IL17RD: variants seen among roughly 807,000 people sequenced by gnomAD.
The protein encoded by IL17RD is interleukin-17 receptor D.
Under a neutral mutation model 80.5 loss-of-function variants are expected in IL17RD, and 52 were observed. The ratio of observed to expected loss-of-function variants is 0.65; its 90% CI spans 0.52 to 0.81. The LOEUF is 0.81. Ranked by LOEUF, IL17RD falls within the 40% of genes least tolerant of loss-of-function variation. The pLI is 0.00. For missense variants in IL17RD, 1,024 were observed against 955.1 expected, an observed-to-expected ratio of 1.07 and a Z score of -0.95; for synonymous variants, 416 against 391.8, an observed-to-expected ratio of 1.06 and a Z score of -0.73.
chr3:57,134,796 T>C, intron 1 of IL17RD: 1 of 410,550 alleles, frequency 2.4e-6, no homozygotes, highest in Non-Finnish European at 4.6e-6. Context: ...AACAAGCCTT[T>C]ACCTGCCATA....
chr3:57,141,383 C>T (rs906302425), intron 1 of IL17RD, among the ~76,000 whole-genome samples: 1 of 152,168 alleles, frequency 6.6e-6, no homozygotes, highest in African/African-American at 2.4e-5. Flanking sequence ...AAAAGCTTGA[C>T]ACTGAGGACT....
At chr3:57,163,803 A>AGTGGG (rs2060324911) in intron 1 of IL17RD, among the ~76,000 whole-genome samples, 1 of 5,526 alleles carries the variant, frequency 1.8e-4, no homozygotes, top group Non-Finnish European at 4.6e-4. Flanking sequence ...CGGGGGGGGA[A>AGTGGG]GGGGGTGGCG....
In IL17RD at chr3:57,147,241, G is replaced by C. The variant is rs570981362; in HGVS notation, c.126+17920C>G. Among the ~76,000 whole-genome samples the C allele has an allele frequency of 1.4e-4, 21 of 152,202 alleles. No homozygotes were observed. In the South Asian group the frequency reaches 3.7e-3, roughly 27 times the overall value. On this transcript the variant is annotated intron_variant, in intron 1 of 12. Coordinates refer to ENST00000296318, the MANE Select transcript of IL17RD (RefSeq NM_017563.5). ...TACCATGTGGCCAGGCACAGAGCTGGATGTTTTAAAAACAGTATCTTGCTT... is the reference window on the plus strand; with the variant it reads ...TACCATGTGGCCAGGCACAGAGCTGCATGTTTTAAAAACAGTATCTTGCTT...
intron 1 of IL17RD, among the ~76,000 whole-genome samples, chr3:57,124,701 G>C (rs902104487): frequency 2.6e-5 from 4 of 152,158 alleles, no homozygotes; most frequent in Non-Finnish European, 4.4e-5. Flanking sequence ...GACAATAAAC[G>C]TAAGTCATTT....
At chr3:57,145,263 C>T (rs1002626515) in intron 1 of IL17RD, among the ~76,000 whole-genome samples, 2 of 152,010 alleles carry the variant, frequency 1.3e-5, no homozygotes, top group East Asian at 3.9e-4. Context: ...AGCTCCTGGC[C>T]CAGAAGACTA....
chr3:57,161,249 G>A lies in IL17RD; in HGVS notation c.126+3912C>T, dbSNP rs887610184. ...TGTAACATGGACAACATGGCCATAC[G>A]ATAGGCAGACCAGATGTGGGCTTAG... On this transcript the variant is annotated intron_variant, in intron 1 of 12. Coordinates refer to ENST00000296318, the MANE Select transcript of IL17RD (RefSeq NM_017563.5). 3.3e-5 allele frequency among the ~76,000 whole-genome samples: 5 copies of A among 152,338 alleles called. No individual in the cohort carries two copies. The South Asian group carries it at 1.0e-3, about 32-fold the overall frequency.
In IL17RD at chr3:57,092,648, T is replaced by A. The variant is rs1706584955; in HGVS notation, c.*3745A>T. Reference sequence around the variant, plus strand: ...TTAAATTGAGAGAGCATAAATCTGATTCTGAAATTAACAACTGGCTTGCCT... The same window carrying A: ...TTAAATTGAGAGAGCATAAATCTGAATCTGAAATTAACAACTGGCTTGCCT... On this transcript the variant is annotated 3_prime_UTR_variant, in exon 13 of 13. Transcript: ENST00000296318. The A allele has an allele frequency of 6.6e-6, 1 of 152,180 alleles. No individual in the cohort carries two copies. Among genetic ancestry groups the A allele is most frequent in the Admixed American group, 6.6e-5 (1 of 15,262 alleles). 9.4% of individuals were successfully genotyped at this position (152,180 alleles called of 1,614,324 possible).
chr3:57,120,157 G>A (rs1033574220), intron 2 of IL17RD, 99 bp downstream of exon 2: 23 of 972,314 alleles, frequency 2.4e-5, no homozygotes, highest in Admixed American at 3.9e-5. Flanking sequence ...CAGAAAATTC[G>A]TCAACCCCAA....
At chr3:57,143,764 G>T (rs1254448159) in intron 1 of IL17RD, among the ~76,000 whole-genome samples, 1 of 152,224 alleles carries the variant, frequency 6.6e-6, no homozygotes, top group Non-Finnish European at 1.5e-5. Flanking sequence ...AGTGCAATGT[G>T]CCTAGGGCAG....
rs1453813455 is a variant in IL17RD at position 57,098,202 on chromosome 3, T to C, written c.1501A>G (p.Met501Val). The C allele has an allele frequency of 1.9e-6, 3 of 1,613,934 alleles. No individual in the cohort carries two copies. Among genetic ancestry groups the C allele is most frequent in the Non-Finnish European group, 2.5e-6 (3 of 1,179,854 alleles). Residue 501 changes from methionine to valine, a missense_variant, in exon 12 of 13, where the codon ATG becomes GTG. Transcript: ENST00000296318. ...ILDLSTKYRLMDNLPQLCSHL... is the reference protein window; with the variant it reads ...ILDLSTKYRLVDNLPQLCSHL... ...GAACAGAGCTGAGGAAGATTGTCCATGAGTCTGTACTTGGTACTCAGGTCT... is the reference window on the plus strand; with the variant it reads ...GAACAGAGCTGAGGAAGATTGTCCACGAGTCTGTACTTGGTACTCAGGTCT...
At chr3:57,128,372 C>T (rs1343301356) in intron 1 of IL17RD, among the ~76,000 whole-genome samples, 1 of 152,192 alleles carries the variant, frequency 6.6e-6, no homozygotes, top group African/African-American at 2.4e-5. Flanking sequence ...TGCTAATCAG[C>T]ACACACATGT....
intron 1 of IL17RD, among the ~76,000 whole-genome samples, chr3:57,162,817 GACA>G (rs2060314632): frequency 6.6e-6 from 1 of 152,164 alleles, no homozygotes; most frequent in South Asian, 2.1e-4. Context: ...CTAGTCTGAA[GACA>G]TAGAAGTGAA....
rs1315693420 is a variant in IL17RD at position 57,127,197 on chromosome 3, TAAATATATATAA to T, written c.127-6896_127-6885del. 9.1e-5 allele frequency among the ~76,000 whole-genome samples: 9 copies of T among 99,116 alleles called. 1 individual carries two copies. The highest frequency in any genetic ancestry group is 1.2e-4 in the Non-Finnish European group (7 of 56,308). 65.0% of individuals were successfully genotyped at this position (99,116 alleles called of 152,430 possible). On this transcript the variant is annotated intron_variant, in intron 1 of 12. Transcript: ENST00000296318. ...AGGCCAACTCATATATATATATATATAAATATATATAAAAATATATATAAATATATATAAAAA... is the reference window on the plus strand; with the variant it reads ...AGGCCAACTCATATATATATATATATAAATATATATAAATATATATAAAAA...
intron 1 of IL17RD, among the ~76,000 whole-genome samples, chr3:57,159,343 G>C (rs912247610): frequency 6.6e-6 from 1 of 152,150 alleles, no homozygotes; most frequent in African/African-American, 2.4e-5. Flanking sequence ...TCAATCAGCC[G>C]GTGGCCCTGC....
intron 1 of IL17RD, among the ~76,000 whole-genome samples, chr3:57,136,640 T>C (rs1159171876): frequency 0.16 from 2,833 of 17,504 alleles, no homozygotes; most frequent in Admixed American, 0.19. Flanking sequence ...CAACCCCCAC[T>C]CAAAAAAAAA....
upstream of IL17RD, among the ~76,000 whole-genome samples, chr3:57,166,139 A>C (rs551008964): frequency 6.6e-6 from 1 of 152,298 alleles, no homozygotes; most frequent in South Asian, 2.1e-4. Context: ...AGAGAAGTGG[A>C]GTAGCCCAAG....
chr3:57,143,954 T>C lies in IL17RD; in HGVS notation c.126+21207A>G, dbSNP rs374018405. On this transcript the variant is annotated intron_variant, in intron 1 of 12. Coordinates refer to ENST00000296318, the MANE Select transcript of IL17RD (RefSeq NM_017563.5). ...AAGAGGCATATCAGAACTGTGGAAA[T>C]AGTCCACACCATTGGTCTCATTTTT... Among the ~76,000 whole-genome samples, 95 of 152,350 alleles carry C rather than the reference T, an allele frequency of 6.2e-4. 1 individual carries two copies. The South Asian group carries it at 0.017, about 27-fold the overall frequency.
chr3:57,096,448 G>C lies in IL17RD; in HGVS notation c.2165C>G (p.Ala722Gly), dbSNP rs760551666. 1.2e-6 allele frequency: 2 copies of C among 1,613,936 alleles called. No individual in the cohort carries two copies. The highest frequency in any genetic ancestry group is 1.7e-6 in the Non-Finnish European group (2 of 1,179,834). Residue 722 changes from alanine to glycine, a missense_variant, in exon 13 of 13, where the codon GCA (alanine) becomes GGA (glycine). By Grantham distance (60) the Ala-to-Gly change is moderately conservative. Coordinates refer to ENST00000296318, the MANE Select transcript of IL17RD (RefSeq NM_017563.5). ...SKLLSSGSCK[A>G]DLGCRSYTDE... Reference sequence around the variant, plus strand: ...AGTGTAGCTGCGGCAACCAAGATCTGCTTTGCATGACCCAGAAGAGAGGAG... The same window carrying C: ...AGTGTAGCTGCGGCAACCAAGATCTCCTTTGCATGACCCAGAAGAGAGGAG...
intron 1 of IL17RD, among the ~76,000 whole-genome samples, chr3:57,158,327 G>A (rs1427376497): frequency 6.6e-6 from 1 of 152,130 alleles, no homozygotes; most frequent in South Asian, 2.1e-4. Context: ...GCCCTTTCAA[G>A]TCTTAAGGTA....
Sources: gnomAD v4.1 joint callset for allele counts (sites outside exome capture counted in the v4.1 genomes callset) on GRCh38, gnomAD v4.1.1 for gene constraint, MANE v1.5 for transcripts, NCBI Gene and HGNC (gene_info 2026-07-23, HGNC 2026-07-21) for gene names.